APOL3: variants seen among roughly 807,000 people sequenced by gnomAD.
The protein encoded by APOL3 is TNF-inducible protein CG12-1.
In APOL3, 14 loss-of-function variants were observed where a neutral mutation model predicts 11.6. That is an observed-to-expected ratio of 1.21 (90% confidence interval 0.80 to 1.89). The LOEUF is 1.89. Ranked by LOEUF, APOL3 falls within the 40% of genes most tolerant of loss-of-function variation. The pLI, the probability that APOL3 is intolerant of heterozygous loss-of-function variation, is 0.00. For missense variants in APOL3, 483 were observed against 492.1 expected (o/e 0.98, Z 0.17); for synonymous variants, 192 against 190.6 (o/e 1.01, Z -0.06).
chr22:36,160,614 A>G lies in APOL3; in HGVS notation c.223+55T>C. ...ACAAAAGGTGAATGACCCTTCTCTT[A>G]TAGAGCTGCTGTGAGGATGGGGAGA... On this transcript the variant is annotated intron_variant, in intron 1 of 2. Coordinates refer to ENST00000349314, the Ensembl canonical transcript of APOL3. The G allele has an allele frequency of 2.5e-6, 4 of 1,574,226 alleles. No individual in the cohort carries two copies. The South Asian group carries it at 3.3e-5, about 13-fold the overall frequency.
intron 1 of APOL3, among the ~76,000 whole-genome samples, chr22:36,155,485 C>A (rs1412655807): frequency 6.6e-6 from 1 of 152,036 alleles, no homozygotes; most frequent in Non-Finnish European, 1.5e-5. Flanking sequence ...CCCCATGCAA[C>A]CATGGTGACA....
chr22:36,157,847 C>T lies in APOL3; in HGVS notation c.223+2822G>A, dbSNP rs979665860. ...GGTGGATCACCTGAGGTCAGGAGTT[C>T]GAGACCAGCCTGACCAATATGGTGA... On this transcript the variant is annotated intron_variant, in intron 1 of 2. Transcript: ENST00000349314. 4.6e-5 allele frequency among the ~76,000 whole-genome samples: 7 copies of T among 152,088 alleles called. 1 individual carries two copies. The highest frequency in any genetic ancestry group is 1.0e-4 in the Non-Finnish European group (7 of 68,016).
chr22:36,145,611 C>A lies in APOL3; in HGVS notation c.224-12G>T. ...AAAGCGTTTCTTTTCTACTTGGAAA[C>A]AAAAAGCATAAGATTGGAAGAAAGT... On this transcript the variant is annotated splice_polypyrimidine_tract_variant and intron_variant, in intron 1 of 2. Transcript: ENST00000349314. 6.2e-7 allele frequency: 1 copy of A among 1,611,818 alleles called. No individual in the cohort carries two copies. The highest frequency in any genetic ancestry group is 8.5e-7 in the Non-Finnish European group (1 of 1,179,314).
At chr22:36,141,598 G>A (rs148885542) in exon 3 of APOL3, 29 of 1,614,186 alleles carry the variant, frequency 1.8e-5, no homozygotes, top group East Asian at 1.3e-4. Context: ...GTGATGTCAC[G>A]CATAACTTCC....
At chr22:36,158,381 C>T (rs2013244560) in intron 1 of APOL3, among the ~76,000 whole-genome samples, 1 of 152,192 alleles carries the variant, frequency 6.6e-6, no homozygotes, top group South Asian at 2.1e-4. Context: ...TCCTAGGTCT[C>T]AGCCTCCAGG....
At chr22:36,141,719 A>G in exon 3 of APOL3, 2 of 1,614,092 alleles carry the variant, frequency 1.2e-6, no homozygotes, top group South Asian at 2.2e-5. Context: ...CAGTCACAGC[A>G]GACGCTGCTC....
Position 36,141,393 on chromosome 22 carries a change from A to T in APOL3, c.1016T>A (p.Ile339Asn), listed in dbSNP as rs201023513. The T allele has an allele frequency of 1.1e-4, 179 of 1,614,130 alleles. 2 individuals are homozygous for T. The East Asian group carries it at 4.0e-3, about 36-fold the overall frequency. The change falls in exon 3 of 3, where the codon ATC becomes AAC. Residue 339 changes from isoleucine (I) to asparagine (N), a missense_variant. Coordinates refer to ENST00000349314, the Ensembl canonical transcript of APOL3. ...GATGCCTGAAGTGGTCGCACTCAGG[A>T]TCCGGGCTCCTCTGCTCACTGCCCG...
intron 1 of APOL3, chr22:36,154,629 C>T (rs964255273): frequency 2.1e-6 from 1 of 470,874 alleles, no homozygotes. Context: ...TGTTATTCTC[C>T]TATGGACAGA....
chr22:36,141,983 C>T lies in APOL3; in HGVS notation c.426G>A (p.Gln142=), dbSNP rs985841241. 1.9e-6 allele frequency: 3 copies of T among 1,614,118 alleles called. No individual in the cohort carries two copies. The African/African-American group carries it at 4.0e-5, about 22-fold the overall frequency. ...ATTCCCTAAACTGCTCATCTTTCTG[C>T]TGCACATATTCGTCCTCAATAGCTG... The change falls in exon 3 of 3, where the codon CAG becomes CAA. Residue 142 remains glutamine, a synonymous_variant. Transcript: ENST00000349314.
chr22:36,156,613 G>C lies in APOL3; in HGVS notation c.223+4056C>G, dbSNP rs1012525474. On this transcript the variant is annotated intron_variant, in intron 1 of 2. Coordinates refer to ENST00000349314, the Ensembl canonical transcript of APOL3. ...TTGCTCAGGCTGCTCCCTCCCCTTG[G>C]AATGCCTCCCCCACCTTCCCCACCA... is the stretch of plus-strand genomic sequence containing the variant. The C allele has an allele frequency of 1.4e-5, 3 of 214,694 alleles. No individual in the cohort carries two copies. In the East Asian group the frequency reaches 2.9e-4, roughly 21 times the overall value. The allele number at this position is 214,694 out of a possible 1,614,324, so 13.3% of individuals were successfully genotyped here. A position where few individuals can be genotyped will look rare whatever the true frequency, so the allele number is the denominator to read the frequency against.
chr22:36,156,113 A>ATT, intron 1 of APOL3: 3 of 153,880 alleles, frequency 1.9e-5, no homozygotes, highest in Non-Finnish European at 4.3e-5. Context: ...TATTTTCAAT[A>ATT]TTTTTTTTTT....
chr22:36,145,436 C>A, intron 2 of APOL3, 37 bp downstream of exon 3: 1 of 1,609,014 alleles, frequency 6.2e-7, no homozygotes, highest in Non-Finnish European at 8.5e-7. Flanking sequence ...GATGGCATAG[C>A]CGGGGCGCCC....
intron 1 of APOL3, among the ~76,000 whole-genome samples, chr22:36,148,716 C>T (rs775451763): frequency 6.6e-6 from 1 of 152,174 alleles, no homozygotes; most frequent in Non-Finnish European, 1.5e-5. Flanking sequence ...CCCTCCGCAC[C>T]TCCTGGACCC....
intron 1 of APOL3, chr22:36,153,439 C>A (rs574691362): frequency 4.4e-6 from 2 of 455,640 alleles, no homozygotes; most frequent in African/African-American, 4.0e-5. Flanking sequence ...AAGAAAAGTA[C>A]GGATGTTGTC....
At chr22:36,164,261 C>T (rs2013803290), upstream of APOL3, among the ~76,000 whole-genome samples, 1 of 152,206 alleles carries the variant, frequency 6.6e-6, no homozygotes, top group South Asian at 2.1e-4. Flanking sequence ...CATTTCCATT[C>T]CTGCTTCTGA....
At chr22:36,154,767 A>C in intron 1 of APOL3, 1 of 347,366 alleles carries the variant, frequency 2.9e-6, no homozygotes, top group Non-Finnish European at 5.8e-6. Context: ...CCACCCACAA[A>C]ATACCAAACA....
intron 1 of APOL3, among the ~76,000 whole-genome samples, chr22:36,160,439 C>A (rs1464616175): frequency 6.6e-6 from 1 of 152,182 alleles, no homozygotes; most frequent in Non-Finnish European, 1.5e-5. Flanking sequence ...CTTTGTGAAC[C>A]CAGCTGAGCT....
At chr22:36,142,788 CTCCAG>C (rs1318169063) in intron 2 of APOL3, among the ~76,000 whole-genome samples, 4 of 152,196 alleles carry the variant, frequency 2.6e-5, no homozygotes, top group Admixed American at 6.5e-5. Flanking sequence ...CTTGGCCAAA[CTCCAG>C]TCAGGCTGCT....
chr22:36,158,566 TC>T (rs1418522758), intron 1 of APOL3, among the ~76,000 whole-genome samples: 2 of 152,172 alleles, frequency 1.3e-5, no homozygotes, highest in Non-Finnish European at 1.5e-5. Context: ...ATGCCTGTAA[TC>T]CCAGCACTTT....
Sources: gnomAD v4.1 joint callset for allele counts (sites outside exome capture counted in the v4.1 genomes callset) on GRCh38, gnomAD v4.1.1 for gene constraint, MANE v1.5 for transcripts, NCBI Gene and HGNC (gene_info 2026-07-23, HGNC 2026-07-21) for gene names.